Variants in THG1L observed in about 807,000 individuals in gnomAD.
THG1L encodes tRNA-histidine guanylyltransferase 1 like.
In THG1L, 27 loss-of-function variants were observed where a neutral mutation model predicts 35.2. The observed-to-expected ratio is 0.77, with a 90% CI of 0.57 to 1.06. THG1L has a LOEUF of 1.06. Ranked by LOEUF, THG1L falls within the 50% of genes least tolerant of loss-of-function variation. The pLI is 0.00. For missense variants in THG1L, 377 were observed against 371.8 expected (o/e 1.01, Z -0.12); for synonymous variants, 135 against 132.4 (o/e 1.02, Z -0.14).
At chr5:157,737,493 A>AT (rs1338870802) in intron 4 of THG1L, among the ~76,000 whole-genome samples, 1 of 152,026 alleles carries the variant, frequency 6.6e-6, no homozygotes, top group African/African-American at 2.4e-5. Context: ...AAAAAAAAAA[A>AT]GGCATACTGG....
intron 5 of THG1L, 79 bp from the exon 6 acceptor site, chr5:157,739,242 G>C: frequency 7.0e-7 from 1 of 1,420,706 alleles, no homozygotes; most frequent in South Asian, 1.4e-5. Flanking sequence ...GATAAAAAGT[G>C]AGCTATCCCC....
intron 5 of THG1L, chr5:157,738,542 G>T: frequency 5.0e-6 from 2 of 401,530 alleles, no homozygotes; most frequent in Non-Finnish European, 9.6e-6. Flanking sequence ...CAGCTGTTAG[G>T]CATAATGATT....
At chr5:157,733,688 A>G (rs1760792568) in intron 2 of THG1L, among the ~76,000 whole-genome samples, 1 of 151,776 alleles carries the variant, frequency 6.6e-6, no homozygotes, top group Non-Finnish European at 1.5e-5. Context: ...GTAAACACAA[A>G]CAGATCAGGC....
chr5:157,735,385 C>CTGT (rs1291620109), intron 3 of THG1L, among the ~76,000 whole-genome samples: 1 of 152,200 alleles, frequency 6.6e-6, no homozygotes, highest in Non-Finnish European at 1.5e-5. Context: ...CTGCCATTCC[C>CTGT]TGTTGTTCCT....
rs948669494 is a variant in THG1L at position 157,739,218 on chromosome 5, C to T, written c.736-103C>T. The T allele has an allele frequency of 1.7e-5, 18 of 1,087,722 alleles. No homozygotes were observed. The East Asian group carries it at 2.1e-4, about 13-fold the overall frequency. 67.4% of individuals were successfully genotyped at this position (1,087,722 alleles called of 1,614,324 possible). On this transcript the variant is annotated intron_variant, in intron 5 of 5. Transcript: ENST00000231198. ...CTATATATATCTCAAATCTGGCAGT[C>T]GGAAGTATATGAAGATAAAAAGTGA...
In THG1L at chr5:157,732,724, G is replaced by A. The variant is rs1760761163; in HGVS notation, c.192-144G>A. ...AAAAAAACTAAGTTCTTAAGAAAATGGATCAGGTTGTGGCTAGTTGAGCAT... is the reference window on the plus strand; with the variant it reads ...AAAAAAACTAAGTTCTTAAGAAAATAGATCAGGTTGTGGCTAGTTGAGCAT... On this transcript the variant is annotated intron_variant, in intron 1 of 5. Transcript: ENST00000231198. 2.4e-5 allele frequency: 22 copies of A among 914,074 alleles called. No individual in the cohort carries two copies. The South Asian group carries it at 4.0e-4, about 17-fold the overall frequency. 56.6% of individuals were successfully genotyped at this position (914,074 alleles called of 1,614,324 possible).
Position 157,732,253 on chromosome 5 carries a change from GAGAGAGAAAGAAGGA to G in THG1L, c.192-602_192-588del, listed in dbSNP as rs765645379. On this transcript the variant is annotated intron_variant, in intron 1 of 5. Coordinates refer to ENST00000231198, the MANE Select transcript of THG1L (RefSeq NM_017872.5). ...AAAAAAAAAAAAAAAAAGAGAGAGA[GAGAGAGAAAGAAGGA>G]AGAGAGAAAGAAAGAAAAAGAAAAA... Among the ~76,000 whole-genome samples the G allele has an allele frequency of 6.1e-4, 84 of 138,790 alleles. 1 individual carries two copies. The highest frequency in any genetic ancestry group is 1.1e-3 in the Non-Finnish European group (71 of 64,538). The allele number at this position is 138,790 out of a possible 152,430, so 91.1% of individuals were successfully genotyped here. A position where few individuals can be genotyped will look rare whatever the true frequency, so the allele number is the denominator to read the frequency against.
chr5:157,732,379 G>A (rs183854710), intron 1 of THG1L, among the ~76,000 whole-genome samples: 6 of 152,196 alleles, frequency 3.9e-5, no homozygotes, highest in Admixed American at 2.0e-4. Flanking sequence ...AGCCTGGGAG[G>A]TCAAGGCTGC....
At chr5:157,739,087 T>A (rs1760962056) in intron 5 of THG1L, among the ~76,000 whole-genome samples, 1 of 152,106 alleles carries the variant, frequency 6.6e-6, no homozygotes, top group African/African-American at 2.4e-5. Context: ...ATAACCTTTT[T>A]AAAACTATTT....
intron 4 of THG1L, among the ~76,000 whole-genome samples, 174 bp from the exon 5 acceptor site, chr5:157,737,713 C>A (rs186059253): frequency 6.6e-6 from 1 of 152,246 alleles, no homozygotes; most frequent in East Asian, 1.9e-4. Context: ...AGAATTTTAT[C>A]TAAGTAAGAT....
chr5:157,731,969 T>G (rs892486082), intron 1 of THG1L, among the ~76,000 whole-genome samples: 1 of 152,194 alleles, frequency 6.6e-6, no homozygotes, highest in Non-Finnish European at 1.5e-5. Context: ...GCCTAGCTAT[T>G]CTGTTAGATA....
chr5:157,733,115 C>T, intron 2 of THG1L, 71 bp downstream of exon 2: 7 of 1,557,350 alleles, frequency 4.5e-6, no homozygotes, highest in East Asian at 2.3e-5. Flanking sequence ...TTATCTTAAT[C>T]GCAGACTTAC....
chr5:157,732,765 T>C, intron 1 of THG1L, 103 bp from the exon 2 acceptor site: 1 of 1,369,308 alleles, frequency 7.3e-7, no homozygotes. Context: ...TTCACAGTGC[T>C]ATTACATTAT....
chr5:157,739,717 C>G lies in THG1L; in HGVS notation c.*235C>G. 5.4e-6 allele frequency: 2 copies of G among 373,348 alleles called. No homozygotes were observed. Among genetic ancestry groups the G allele is most frequent in the Non-Finnish European group, 9.4e-6 (2 of 212,064 alleles). The allele number at this position is 373,348 out of a possible 1,614,324, so 23.1% of individuals were successfully genotyped here. A position where few individuals can be genotyped will look rare whatever the true frequency, so the allele number is the denominator to read the frequency against. ...GAACATGGTTCCTTTGGCAGAAGTGCTTTTTTTTTAATCGCAGTACTATTT... is the reference window on the plus strand; with the variant it reads ...GAACATGGTTCCTTTGGCAGAAGTGGTTTTTTTTTAATCGCAGTACTATTT... On this transcript the variant is annotated 3_prime_UTR_variant, in exon 6 of 6. Coordinates refer to ENST00000231198, the MANE Select transcript of THG1L (RefSeq NM_017872.5).
At chr5:157,734,304 C>T (rs755841388) in intron 2 of THG1L, among the ~76,000 whole-genome samples, 44 of 152,156 alleles carry the variant, frequency 2.9e-4, no homozygotes, top group Non-Finnish European at 7.3e-5. Context: ...AGGAGAATCA[C>T]TTGAACCCAG....
At chr5:157,734,858 C>A in intron 3 of THG1L, 113 bp downstream of exon 3, 1 of 1,129,040 alleles carries the variant, frequency 8.9e-7, no homozygotes, top group South Asian at 1.9e-5. Flanking sequence ...ATACGTTGTA[C>A]AGAATGCAGT....
rs7722665 is a variant in THG1L, at chr5:157,741,295, T to C, written c.*1813T>C. Reference sequence around the variant, plus strand: ...AGAAGAAAATGTATTTTTGAAAGGGTGATGGCTGGCCTCATCCCTCACTAA... The same window carrying C: ...AGAAGAAAATGTATTTTTGAAAGGGCGATGGCTGGCCTCATCCCTCACTAA... On this transcript the variant is annotated 3_prime_UTR_variant, in exon 6 of 6. Coordinates refer to ENST00000231198, the MANE Select transcript of THG1L (RefSeq NM_017872.5). 0.35 allele frequency: 53,723 copies of C among 151,940 alleles called. 9,647 individuals carry two copies. Among genetic ancestry groups the C allele is most frequent in the East Asian group, 0.54 (2,810 of 5,160 alleles). The allele number at this position is 151,940 out of a possible 1,614,324, so 9.4% of individuals were successfully genotyped here. A position where few individuals can be genotyped will look rare whatever the true frequency, so the allele number is the denominator to read the frequency against.
At position 157,736,798 on chromosome 5, in the gene THG1L, G is replaced by A. The variant is rs139114801; in HGVS notation, c.627+864G>A. Among the ~76,000 whole-genome samples, 101 of 152,310 alleles carry A rather than the reference G, an allele frequency of 6.6e-4. No individual in the cohort carries two copies. The East Asian group carries it at 8.9e-3, about 13-fold the overall frequency. ...AGTAGTTTCTACCTCATAGGTTTAT[G>A]GTGAGAATTAAATGGCATGATGCAC... On this transcript the variant is annotated intron_variant, in intron 4 of 5. Coordinates refer to ENST00000231198, the MANE Select transcript of THG1L (RefSeq NM_017872.5).
intron 1 of THG1L, 46 bp downstream of exon 1, chr5:157,731,677 G>A (rs758691447): frequency 1.3e-6 from 2 of 1,561,320 alleles, no homozygotes; most frequent in South Asian, 1.2e-5. Flanking sequence ...AGCGCTTCCG[G>A]GGAATCCAGC....
Sources: allele counts gnomAD v4.1 joint callset (sites outside exome capture counted in the v4.1 genomes callset), GRCh38; gene constraint gnomAD v4.1.1; transcripts MANE v1.5; gene names NCBI Gene and HGNC (gene_info 2026-07-23, HGNC 2026-07-21).